The following GABRA4 variants were observed in gnomAD, a reference collection of about 807,000 sequenced individuals.
The protein encoded by GABRA4 is gamma-aminobutyric acid type A receptor subunit alpha4.
In GABRA4, 12 loss-of-function variants were observed where a neutral mutation model predicts 49.7. The ratio of observed to expected loss-of-function variants is 0.24; its 90% CI spans 0.15 to 0.39. The LOEUF is 0.39. Ranked by LOEUF, GABRA4 falls within the 10% of genes least tolerant of loss-of-function variation. The pLI is 1.00. For synonymous variants in GABRA4, 288 were observed against 240.2 expected (o/e 1.20, Z -1.84); for missense variants, 506 against 686.0 (o/e 0.74, Z 2.93).
chr4:46,993,201 C>A lies in GABRA4; in HGVS notation c.86+138G>T. The A allele has an allele frequency of 4.9e-6, 4 of 813,404 alleles. No homozygotes were observed. In the South Asian group the frequency reaches 6.5e-5, roughly 13 times the overall value. The allele number at this position is 813,404 out of a possible 1,614,324, so 50.4% of individuals were successfully genotyped here. The stretch of plus-strand genomic sequence containing the variant: ...CGCATCTATGCGGTCACAGAAAAGC[C>A]TGGCTTCGGCCCCTGCTCTTACAGC... On this transcript the variant is annotated intron_variant, in intron 1 of 8. Transcript: ENST00000264318.
intron 8 of GABRA4, among the ~76,000 whole-genome samples, chr4:46,950,402 A>G (rs1477567919): frequency 6.6e-6 from 1 of 152,014 alleles, no homozygotes; most frequent in Non-Finnish European, 1.5e-5. Context: ...GCAAATCACT[A>G]TCATCATTCA....
chr4:46,929,483 TAAAG>T (rs1269417957), intron 8 of GABRA4, among the ~76,000 whole-genome samples: 1 of 152,188 alleles, frequency 6.6e-6, no homozygotes, highest in Non-Finnish European at 1.5e-5. Context: ...CATTAACCAA[TAAAG>T]AGTGATTAAA....
At position 46,993,564 on chromosome 4, in the gene GABRA4, G is replaced by T. The variant is rs982460943; in HGVS notation, c.-140C>A. 1.2e-6 allele frequency: 1 copy of T among 826,076 alleles called. No homozygotes were observed. Among genetic ancestry groups the T allele is most frequent in the Non-Finnish European group, 2.0e-6 (1 of 511,958 alleles). 51.2% of individuals were successfully genotyped at this position (826,076 alleles called of 1,614,324 possible). A position where few individuals can be genotyped will look rare whatever the true frequency, so the allele number is the denominator to read the frequency against. ...ACACTCGCCCGCGCTCAGCCAGCCC[G>T]AGCCGCGGTGGGCGTGTGTGTGCAC... is the stretch of plus-strand genomic sequence containing the variant. On this transcript the variant is annotated 5_prime_UTR_variant, in exon 1 of 9. Transcript: ENST00000264318.
chr4:46,974,953 G>T (rs1224568375), intron 5 of GABRA4, among the ~76,000 whole-genome samples: 1 of 151,932 alleles, frequency 6.6e-6, no homozygotes, highest in East Asian at 1.9e-4. Flanking sequence ...TGTTTGTAAA[G>T]CTGTCCAGGG....
At chr4:46,966,267 C>T (rs368450447) in intron 7 of GABRA4, among the ~76,000 whole-genome samples, 182 of 151,754 alleles carry the variant, frequency 1.2e-3, no homozygotes, top group African/African-American at 4.2e-3. Flanking sequence ...CTGAAGTTGA[C>T]ACACAACACA....
intron 8 of GABRA4, among the ~76,000 whole-genome samples, chr4:46,958,710 T>C (rs1512133): frequency 0.52 from 78,571 of 151,122 alleles, 20,673 homozygotes; most frequent in East Asian, 0.7. Flanking sequence ...ATTCCACCAA[T>C]TGGACTTTTC....
intron 8 of GABRA4, among the ~76,000 whole-genome samples, chr4:46,957,324 T>C (rs1349910349): frequency 6.6e-6 from 1 of 151,922 alleles, no homozygotes; most frequent in Non-Finnish European, 1.5e-5. Context: ...TATTTATACA[T>C]TCTTTTTTTA....
chr4:46,931,404 C>T lies in GABRA4; in HGVS notation c.1135-2649G>A, dbSNP rs536161860. On this transcript the variant is annotated intron_variant, in intron 8 of 8. Coordinates refer to ENST00000264318, the MANE Select transcript of GABRA4 (RefSeq NM_000809.4). ...ACTGACTCTAAGTAACTTTACTGCC[C>T]CCCAAAACAAAGTATTAAAACATTT... Among the ~76,000 whole-genome samples the T allele has an allele frequency of 8.5e-5, 13 of 152,114 alleles. No individual in the cohort carries two copies. In the South Asian group the frequency reaches 2.7e-3, roughly 32 times the overall value.
chr4:46,981,684 G>A (rs936755607), intron 2 of GABRA4, among the ~76,000 whole-genome samples: 1 of 152,094 alleles, frequency 6.6e-6, no homozygotes, highest in African/African-American at 2.4e-5. Context: ...GGCAGTCAGA[G>A]TATAAATACA....
intron 8 of GABRA4, among the ~76,000 whole-genome samples, chr4:46,961,247 T>C (rs1250081800): frequency 4.6e-5 from 7 of 151,876 alleles, no homozygotes; most frequent in South Asian, 4.1e-4. Flanking sequence ...AGCAGAGCTA[T>C]AAATTGCAGG....
At chr4:46,933,619 G>A (rs994205370) in intron 8 of GABRA4, among the ~76,000 whole-genome samples, 1 of 152,100 alleles carries the variant, frequency 6.6e-6, no homozygotes, top group Admixed American at 6.6e-5. Flanking sequence ...GACCACAAAA[G>A]GAATAAGGTA....
chr4:46,957,172 C>G (rs1285833475), intron 8 of GABRA4, among the ~76,000 whole-genome samples: 3 of 151,810 alleles, frequency 2.0e-5, no homozygotes, highest in Admixed American at 1.3e-4. Context: ...TTATTACCCC[C>G]ACTTTAAGGA....
intron 8 of GABRA4, among the ~76,000 whole-genome samples, chr4:46,942,357 C>T (rs1721833581): frequency 6.6e-6 from 1 of 152,082 alleles, no homozygotes; most frequent in South Asian, 2.1e-4. Flanking sequence ...CTTGATTATT[C>T]TCCCATCTTT....
chr4:46,934,537 C>T (rs1577745336), intron 8 of GABRA4, among the ~76,000 whole-genome samples: 1 of 152,090 alleles, frequency 6.6e-6, no homozygotes, highest in African/African-American at 2.4e-5. Flanking sequence ...TAATTTCCTC[C>T]CAATGTTGGC....
In GABRA4 at chr4:46,918,956, G is replaced by A. The variant is rs1720875267; in HGVS notation, c.*9269C>T. ...TTTAAATAGAAAAAATACATTAGAG[G>A]GATATAATGTTTTATATTTTAATAA... On this transcript the variant is annotated 3_prime_UTR_variant, in exon 9 of 9. Transcript: ENST00000264318. 2 of 151,200 alleles carry A rather than the reference G, an allele frequency of 1.3e-5. No individual in the cohort carries two copies. The highest frequency in any genetic ancestry group is 6.6e-5 in the Admixed American group (1 of 15,180). The allele number at this position is 151,200 out of a possible 1,614,324, so 9.4% of individuals were successfully genotyped here.
At position 46,920,298 on chromosome 4, in the gene GABRA4, A is replaced by G. The variant is rs1287932539; in HGVS notation, c.*7927T>C. 1 of 151,672 alleles carries G rather than the reference A, an allele frequency of 6.6e-6. No homozygotes were observed. The highest frequency in any genetic ancestry group is 1.5e-5 in the Non-Finnish European group (1 of 67,662). The allele number at this position is 151,672 out of a possible 1,614,324, so 9.4% of individuals were successfully genotyped here. A position where few individuals can be genotyped will look rare whatever the true frequency, so the allele number is the denominator to read the frequency against. On this transcript the variant is annotated 3_prime_UTR_variant, in exon 9 of 9. Coordinates refer to ENST00000264318, the MANE Select transcript of GABRA4 (RefSeq NM_000809.4). The stretch of plus-strand genomic sequence containing the variant: ...TTGCCTTTGGAAATAATATTATGCA[A>G]TTGGTAATATCTTATATTGCCAACA...
At chr4:46,982,363 G>A (rs1363922231) in intron 2 of GABRA4, among the ~76,000 whole-genome samples, 7 of 151,938 alleles carry the variant, frequency 4.6e-5, no homozygotes, top group African/African-American at 1.2e-4. Flanking sequence ...CATATCAGAA[G>A]TGTAGATTAG....
chr4:46,958,529 G>C (rs1310176363), intron 8 of GABRA4, among the ~76,000 whole-genome samples: 2 of 151,696 alleles, frequency 1.3e-5, no homozygotes, highest in African/African-American at 4.8e-5. Context: ...TGAGAGAGTA[G>C]GTACTCTAAG....
At chr4:46,946,604 A>T (rs1245005990) in intron 8 of GABRA4, among the ~76,000 whole-genome samples, 1 of 152,184 alleles carries the variant, frequency 6.6e-6, no homozygotes, top group East Asian at 1.9e-4. Context: ...CTTCAAATAA[A>T]GAAATGCCAC....
Sources: gnomAD v4.1 joint callset for allele counts (sites outside exome capture counted in the v4.1 genomes callset) on GRCh38, gnomAD v4.1.1 for gene constraint, MANE v1.5 for transcripts, NCBI Gene and HGNC (gene_info 2026-07-23, HGNC 2026-07-21) for gene names.